DUOX1: variants seen among roughly 807,000 people sequenced by gnomAD.
The protein encoded by DUOX1 is dual oxidase 1.
In DUOX1, 134 loss-of-function variants were observed where a neutral mutation model predicts 181.8. The ratio of observed to expected loss-of-function variants is 0.74; its 90% confidence interval spans 0.64 to 0.85. DUOX1 has a LOEUF of 0.85. Ranked by LOEUF, DUOX1 falls within the 40% of genes least tolerant of loss-of-function variation. The pLI, the probability that DUOX1 is intolerant of heterozygous loss-of-function variation, is 0.00. For missense variants in DUOX1, 1,814 were observed against 2,064.4 expected, an observed-to-expected ratio of 0.88 and a Z score of 2.35; for synonymous variants, 798 against 832.5, an observed-to-expected ratio of 0.96 and a Z score of 0.71.
chr15:45,161,838 C>T lies in DUOX1; in HGVS notation c.3957C>T (p.His1319=), dbSNP rs775501548. Residue 1319 remains histidine (H), a synonymous_variant, in exon 30 of 34, where the codon CAC becomes CAT. Coordinates refer to ENST00000389037, the MANE Select transcript of DUOX1 (RefSeq NM_175940.3). The stretch of plus-strand genomic sequence containing the variant: ...TGGCTCTGGGGACCACCGAGTACCA[C>T]CCCTTCACACTGACCTCTGCGCCCC... ...ACLALGTTEY[H]PFTLTSAPHE... is the part of the protein sequence containing the mutation. 46 of 1,613,926 alleles carry T rather than the reference C, an allele frequency of 2.9e-5. No homozygotes were observed. Among genetic ancestry groups the T allele is most frequent in the Non-Finnish European group, 3.9e-5 (46 of 1,180,004 alleles).
At chr15:45,140,850 G>A in intron 12 of DUOX1, 45 bp from the exon 13 acceptor site, 1 of 1,598,746 alleles carries the variant, frequency 6.3e-7, no homozygotes, top group South Asian at 1.1e-5. Context: ...GCCTTAGGGT[G>A]GGTGCCGTGT....
intron 18 of DUOX1, 102 bp downstream of exon 18, chr15:45,145,182 G>T: frequency 2.6e-6 from 3 of 1,151,416 alleles, no homozygotes; most frequent in Non-Finnish European, 3.6e-6. Flanking sequence ...AGAGTTCTCA[G>T]CTAATAATCA....
At chr15:45,154,104 C>A in intron 27 of DUOX1, 104 bp downstream of exon 27, 1 of 1,085,398 alleles carries the variant, frequency 9.2e-7, no homozygotes, top group Non-Finnish European at 1.4e-6. Context: ...CTCAGCTCTT[C>A]CGGTGACCCA....
chr15:45,162,072 T>G lies in DUOX1; in HGVS notation c.4089+102T>G, dbSNP rs542631481. The stretch of plus-strand genomic sequence containing the variant: ...CCGCTCTGTGCCTCCCCTCTCTGCA[T>G]CTAGAGACTGGTTGTTCCAGATAAT... On this transcript the variant is annotated intron_variant, in intron 30 of 33. Transcript: ENST00000389037. The G allele has an allele frequency of 1.4e-5, 21 of 1,462,230 alleles. No individual in the cohort carries two copies. In the East Asian group the frequency reaches 4.4e-4, roughly 31 times the overall value. The allele number at this position is 1,462,230 out of a possible 1,614,324, so 90.6% of individuals were successfully genotyped here.
rs200257136 is a variant in DUOX1 at position 45,152,001 on chromosome 15, G to A, written c.3142G>A (p.Val1048Met). The A allele has an allele frequency of 1.5e-4, 242 of 1,614,122 alleles. No individual in the cohort carries two copies. Among genetic ancestry groups the A allele is most frequent in the Non-Finnish European group, 2.0e-4 (236 of 1,180,024 alleles). ...GAACTACCGGCGCCACATCGGCTGC[G>A]TGGCCGTGTTCTACGCCATCGCTGG... ...IENYRRHIGC[V>M]AVFYAIAGGL... The change falls in exon 24 of 34, where the codon GTG becomes ATG. Residue 1048 changes from valine (V) to methionine (M), a missense_variant. Physicochemically the swap from Val to Met is conservative, Grantham distance 21 (BLOSUM62 1). Coordinates refer to ENST00000389037, the MANE Select transcript of DUOX1 (RefSeq NM_175940.3).
chr15:45,156,937 G>A (rs1308242255), intron 28 of DUOX1, among the ~76,000 whole-genome samples: 1 of 152,116 alleles, frequency 6.6e-6, no homozygotes, highest in Non-Finnish European at 1.5e-5. Context: ...ATGAGCAGAG[G>A]CAATTCCCTA....
At chr15:45,155,539 G>A (rs1203205720) in intron 27 of DUOX1, 3 of 425,130 alleles carry the variant, frequency 7.1e-6, no homozygotes, top group African/African-American at 6.4e-5. Flanking sequence ...GCACTCCAGG[G>A]AGCCTGGGTA....
chr15:45,140,699 G>A, intron 12 of DUOX1, 196 bp from the exon 13 acceptor site: 1 of 522,726 alleles, frequency 1.9e-6, no homozygotes, highest in Non-Finnish European at 3.3e-6. Flanking sequence ...ATGTGTGAGA[G>A]GGTTCCCATA....
At chr15:45,139,276 C>T (rs1323182690) in intron 11 of DUOX1, 108 bp downstream of exon 11, 13 of 1,597,072 alleles carry the variant, frequency 8.1e-6, no homozygotes, top group South Asian at 1.1e-5. Context: ...TGGGAGCCTG[C>T]ACTGCACTCA....
At chr15:45,137,325 A>G (rs1896349203) in intron 9 of DUOX1, among the ~76,000 whole-genome samples, 1 of 130,414 alleles carries the variant, frequency 7.7e-6, no homozygotes, top group African/African-American at 2.9e-5. Flanking sequence ...GTGTCATTGC[A>G]CTCCGGCCTG....
Position 45,155,948 on chromosome 15 carries a change from G to T in DUOX1, c.3702+19G>T. ...TGTCCTGGTGAGGGCTTTTGGCTGT[G>T]AGCCAGGCCAGGAGGGTATGGGCAG... On this transcript the variant is annotated intron_variant, in intron 28 of 33. Coordinates refer to ENST00000389037, the MANE Select transcript of DUOX1 (RefSeq NM_175940.3). 1 of 1,614,138 alleles carries T rather than the reference G, an allele frequency of 6.2e-7. No individual in the cohort carries two copies. The highest frequency in any genetic ancestry group is 8.5e-7 in the Non-Finnish European group (1 of 1,180,012).
rs765988381 is a variant in DUOX1, at chr15:45,141,955, G to A, written c.1685-20G>A. The A allele has an allele frequency of 2.5e-6, 4 of 1,601,628 alleles. No homozygotes were observed. The South Asian group carries it at 4.5e-5, about 18-fold the overall frequency. The stretch of plus-strand genomic sequence containing the variant: ...CCTGTGGCCCAGCACCCAGGACGCT[G>A]GCTTCCTCTGCCTTCCCAGGAGACC... On this transcript the variant is annotated intron_variant, in intron 14 of 33. Transcript: ENST00000389037.
Position 45,152,022 on chromosome 15 carries a change from G to A in DUOX1, c.3163G>A (p.Ala1055Thr), listed in dbSNP as rs748145227. 1 of 1,614,080 alleles carries A rather than the reference G, an allele frequency of 6.2e-7. No homozygotes were observed. Among genetic ancestry groups the A allele is most frequent in the Non-Finnish European group, 8.5e-7 (1 of 1,180,002 alleles). ...CTGCGTGGCCGTGTTCTACGCCATC[G>A]CTGGGGGGCTTTTCCTGGAGAGGGC... Reference protein sequence around the residue: ...IGCVAVFYAIAGGLFLERAYY... With the variant: ...IGCVAVFYAITGGLFLERAYY... Residue 1055 changes from alanine (A) to threonine (T), a missense_variant, in exon 24 of 34, where the codon GCT (alanine) becomes ACT (threonine). By Grantham distance (58) the Ala-to-Thr change is moderately conservative. Transcript: ENST00000389037.
intron 27 of DUOX1, among the ~76,000 whole-genome samples, chr15:45,154,737 C>T (rs1444907160): frequency 2.6e-5 from 4 of 151,946 alleles, no homozygotes; most frequent in Non-Finnish European, 5.9e-5. Context: ...TTGGTTAGAT[C>T]CCTTCTTAAC....
chr15:45,141,973 A>T lies in DUOX1; in HGVS notation c.1685-2A>T. 1 of 1,608,498 alleles carries T rather than the reference A, an allele frequency of 6.2e-7. No individual in the cohort carries two copies. Among genetic ancestry groups the T allele is most frequent in the Non-Finnish European group, 8.5e-7 (1 of 1,177,652 alleles). The stretch of plus-strand genomic sequence containing the variant: ...GGACGCTGGCTTCCTCTGCCTTCCC[A>T]GGAGACCCCTGTCCGCAGCCGAGAC... On this transcript the variant is annotated splice_acceptor_variant, in intron 14 of 33. Coordinates refer to ENST00000389037, the MANE Select transcript of DUOX1 (RefSeq NM_175940.3). LOFTEE classifies it high-confidence loss of function.
At chr15:45,139,008 G>A (rs1169137049) in intron 10 of DUOX1, 58 bp from the exon 11 acceptor site, 3 of 1,500,134 alleles carry the variant, frequency 2.0e-6, no homozygotes, top group Admixed American at 3.7e-5. Context: ...GGAGCCGGCT[G>A]TCTAACCTCT....
At chr15:45,138,757 T>C (rs182217559) in intron 10 of DUOX1, 17 of 307,330 alleles carry the variant, frequency 5.5e-5, no homozygotes, top group African/African-American at 3.3e-4. Flanking sequence ...AGCTGGTTAG[T>C]AACAGAGGAC....
rs767220190 is a variant in DUOX1, at chr15:45,141,062, C to T, written c.1557C>T (p.Thr519=). ...GTGACCGCTACTGGTTTGAGAACAC[C>T]AGGAATGGGTAAGGCGTGCTGGGCC... ...RDGDRYWFEN[T]RNGLFSKKEI... is the part of the protein sequence containing the mutation. The change falls in exon 13 of 34, where the codon ACC becomes ACT. Residue 519 remains threonine, a synonymous_variant. Coordinates refer to ENST00000389037, the MANE Select transcript of DUOX1 (RefSeq NM_175940.3). The T allele has an allele frequency of 1.4e-5, 23 of 1,614,214 alleles. No individual in the cohort carries two copies. The highest frequency in any genetic ancestry group is 8.8e-5 in the South Asian group (8 of 91,080).
chr15:45,140,774 G>A, intron 12 of DUOX1, 121 bp from the exon 13 acceptor site: 1 of 979,016 alleles, frequency 1.0e-6, no homozygotes, highest in Non-Finnish European at 1.5e-6. Context: ...CTGTATAGGA[G>A]TGAGTTACTG....
Sources: gnomAD v4.1 joint callset for allele counts (sites outside exome capture counted in the v4.1 genomes callset) on GRCh38, gnomAD v4.1.1 for gene constraint, MANE v1.5 for transcripts, NCBI Gene and HGNC (gene_info 2026-07-23, HGNC 2026-07-21) for gene names.